CFTR: variants seen among roughly 807,000 people sequenced by gnomAD.
CFTR encodes CF transmembrane conductance regulator.
CFTR carries 181 observed loss-of-function variants against 171.6 expected under a neutral mutation model. The observed-to-expected ratio is 1.05, with a 90% CI of 0.93 to 1.19. CFTR has a LOEUF of 1.19. CFTR is among the 50% of genes most tolerant of loss of function. The probability of loss-of-function intolerance (pLI) is 0.00; values close to 1 mark genes in which losing one functional copy is unlikely to be tolerated. For synonymous variants in CFTR, 583 were observed against 608.0 expected (o/e 0.96, Z 0.60); for missense variants, 1,968 against 1,734.7 (o/e 1.13, Z -2.39).
chr7:117,522,249 T>C (rs558327103), intron 3 of CFTR, among the ~76,000 whole-genome samples: 1 of 152,292 alleles, frequency 6.6e-6, no homozygotes, highest in South Asian at 2.1e-4. Flanking sequence ...GCTAGGACAA[T>C]TACCCAAGGA....
chr7:117,535,009 A>G (rs1412447903), intron 5 of CFTR, among the ~76,000 whole-genome samples: 1 of 152,212 alleles, frequency 6.6e-6, no homozygotes, highest in Non-Finnish European at 1.5e-5. Flanking sequence ...GAATAAAAAT[A>G]TGCTTAAAAA....
At chr7:117,612,089 T>G (rs1332649225) in intron 20 of CFTR, among the ~76,000 whole-genome samples, 1 of 133,590 alleles carries the variant, frequency 7.5e-6, no homozygotes, top group African/African-American at 2.8e-5. Flanking sequence ...GTTTTCACAG[T>G]TTTAAAAACC....
At chr7:117,491,787 T>C (rs182996617) in intron 1 of CFTR, among the ~76,000 whole-genome samples, 31 of 152,210 alleles carry the variant, frequency 2.0e-4, no homozygotes, top group Admixed American at 1.2e-3. Context: ...TAAGGTCACA[T>C]CCTTAGGTAC....
intron 10 of CFTR, among the ~76,000 whole-genome samples, chr7:117,556,754 C>T (rs999252545): frequency 2.7e-5 from 4 of 150,474 alleles, no homozygotes; most frequent in African/African-American, 9.7e-5. Context: ...CTCCTGACCT[C>T]GTGATCCGCC....
intron 24 of CFTR, among the ~76,000 whole-genome samples, chr7:117,658,480 C>A (rs1346533322): frequency 6.6e-6 from 1 of 152,036 alleles, no homozygotes; most frequent in Non-Finnish European, 1.5e-5. Context: ...TTCATGTGTC[C>A]TTTTGGCTTT....
At chr7:117,602,679 A>C (rs994434075) in intron 15 of CFTR, 147 bp from the exon 16 acceptor site, 4 of 787,030 alleles carry the variant, frequency 5.1e-6, no homozygotes, top group Non-Finnish European at 9.3e-6. Flanking sequence ...TGCTGGACCC[A>C]GGAACACAAA....
At chr7:117,662,452 T>C (rs1793306457) in intron 24 of CFTR, among the ~76,000 whole-genome samples, 1 of 152,162 alleles carries the variant, frequency 6.6e-6, no homozygotes, top group African/African-American at 2.4e-5. Flanking sequence ...TTCAGAAGGA[T>C]ATGTCAGGCT....
chr7:117,588,317 G>T (rs571933960), intron 12 of CFTR, among the ~76,000 whole-genome samples: 2 of 152,048 alleles, frequency 1.3e-5, no homozygotes, highest in Admixed American at 1.3e-4. Context: ...AAAATAAACA[G>T]GACAAATGCA....
chr7:117,560,544 G>A (rs549526225), intron 11 of CFTR, among the ~76,000 whole-genome samples: 47 of 152,002 alleles, frequency 3.1e-4, no homozygotes, highest in Admixed American at 5.9e-4. Context: ...CAAAAAAATG[G>A]AAAAGGGCAA....
chr7:117,526,199 T>C (rs541829402), intron 3 of CFTR, among the ~76,000 whole-genome samples: 4 of 151,722 alleles, frequency 2.6e-5, no homozygotes, highest in Admixed American at 6.6e-5. Context: ...GAACTCAGGA[T>C]TAAGAATCTC....
At chr7:117,596,789 A>G (rs1462869951) in intron 15 of CFTR, among the ~76,000 whole-genome samples, 2 of 152,156 alleles carry the variant, frequency 1.3e-5, no homozygotes, top group Admixed American at 1.3e-4. Context: ...TTGTAAATAT[A>G]CCAATGTGCA....
chr7:117,504,077 A>G (rs112692011), intron 1 of CFTR, among the ~76,000 whole-genome samples, 176 bp from the exon 2 acceptor site: 2 of 152,184 alleles, frequency 1.3e-5, no homozygotes, highest in Non-Finnish European at 2.9e-5. Context: ...TTGATGTTTT[A>G]TACAGGTGTA....
At chr7:117,659,167 G>C (rs2116209711) in intron 24 of CFTR, among the ~76,000 whole-genome samples, 1 of 152,120 alleles carries the variant, frequency 6.6e-6, no homozygotes, top group Non-Finnish European at 1.5e-5. Context: ...GCCCTTCACT[G>C]CCTCCTTCTA....
intron 3 of CFTR, among the ~76,000 whole-genome samples, chr7:117,523,374 G>GTTTTTTTTTT (rs1205226439): frequency 7.2e-6 from 1 of 139,580 alleles, no homozygotes; most frequent in Non-Finnish European, 1.5e-5. Flanking sequence ...GTTTTGTTTT[G>GTTTTTTTTTT]TTTTTTGTTT....
intron 3 of CFTR, among the ~76,000 whole-genome samples, chr7:117,526,108 T>G (rs1187819883): frequency 6.6e-6 from 1 of 151,752 alleles, no homozygotes; most frequent in Non-Finnish European, 1.5e-5. Context: ...CATTTGCTTG[T>G]CTATAAAGTA....
At chr7:117,627,002 T>C (rs907387596) in intron 21 of CFTR, among the ~76,000 whole-genome samples, 4 of 152,124 alleles carry the variant, frequency 2.6e-5, no homozygotes, top group Middle Eastern at 3.2e-3. Context: ...TGCAGATGTA[T>C]GCCAATGACT....
At position 117,537,042 on chromosome 7, in the gene CFTR, G is replaced by T. The variant is rs568920671; in HGVS notation, c.869+369G>T. On this transcript the variant is annotated intron_variant, in intron 7 of 26. Coordinates refer to ENST00000003084, the MANE Select transcript of CFTR (RefSeq NM_000492.4). ...GTATACAATTCTGAACCAAATAGATGATTCTCTATTATTATATCTTAATTT... is the reference window on the plus strand; with the variant it reads ...GTATACAATTCTGAACCAAATAGATTATTCTCTATTATTATATCTTAATTT... Among the ~76,000 whole-genome samples the T allele has an allele frequency of 1.6e-3, 240 of 152,228 alleles. 2 individuals are homozygous for T. Among genetic ancestry groups the T allele is most frequent in the African/African-American group, 5.6e-3 (234 of 41,530 alleles).
chr7:117,663,471 C>T (rs532743231), intron 24 of CFTR, among the ~76,000 whole-genome samples: 1 of 149,110 alleles, frequency 6.7e-6, no homozygotes, highest in East Asian at 2.0e-4. Context: ...CTGCAATATA[C>T]TTTCAAATGT....
Position 117,667,123 on chromosome 7 carries a change from G to A in CFTR, c.*15G>A. Reference sequence around the variant, plus strand: ...CAAGGCTTTAGAGAGCAGCATAAATGTTGACATGGGACATTTGCTCATGGA... The same window carrying A: ...CAAGGCTTTAGAGAGCAGCATAAATATTGACATGGGACATTTGCTCATGGA... On this transcript the variant is annotated 3_prime_UTR_variant, in exon 27 of 27. Transcript: ENST00000003084. The A allele has an allele frequency of 6.2e-7, 1 of 1,610,594 alleles. No homozygotes were observed. The highest frequency in any genetic ancestry group is 8.5e-7 in the Non-Finnish European group (1 of 1,177,324).
Sources: allele counts gnomAD v4.1 joint callset (sites outside exome capture counted in the v4.1 genomes callset), GRCh38; gene constraint gnomAD v4.1.1; transcripts MANE v1.5; gene names NCBI Gene and HGNC (gene_info 2026-07-23, HGNC 2026-07-21).